Variants in VWA8 observed in about 807,000 individuals in gnomAD.
VWA8 encodes the protein von Willebrand factor A domain containing 8.
Under a neutral mutation model 241.5 loss-of-function variants are expected in VWA8, and 221 were observed. The observed-to-expected ratio is 0.91, with a 90% confidence interval of 0.82 to 1.02. The LOEUF (loss-of-function observed/expected upper bound fraction) is 1.02. VWA8 is among the 50% of genes least tolerant of loss of function. VWA8 has a pLI of 0.00. For synonymous variants in VWA8, 852 were observed against 827.1 expected, an observed-to-expected ratio of 1.03 and a Z score of -0.52; for missense variants, 2,322 against 2,328.7, an observed-to-expected ratio of 1.00 and a Z score of 0.06.
intron 31 of VWA8, among the ~76,000 whole-genome samples, chr13:41,691,660 T>C (rs773523072): frequency 1.1e-4 from 17 of 152,148 alleles, no homozygotes; most frequent in East Asian, 3.8e-4. Flanking sequence ...GTAGTAACCA[T>C]TGCCATGTTA....
At chr13:41,615,230 G>A in intron 37 of VWA8, 146 bp from the exon 38 acceptor site, 1 of 718,372 alleles carries the variant, frequency 1.4e-6, no homozygotes, top group Admixed American at 3.0e-5. Context: ...TGAGTATTTG[G>A]CAAAAATTCC....
intron 17 of VWA8, among the ~76,000 whole-genome samples, chr13:41,794,975 T>A (rs2137952861): frequency 6.6e-6 from 1 of 152,152 alleles, no homozygotes; most frequent in African/African-American, 2.4e-5. Context: ...CTAAAGAGCT[T>A]CTGCACAGCA....
chr13:41,929,486 A>G (rs1468953281), intron 2 of VWA8, among the ~76,000 whole-genome samples: 1 of 152,132 alleles, frequency 6.6e-6, no homozygotes, highest in East Asian at 1.9e-4. Flanking sequence ...TCAAAATATC[A>G]CACTTACCCC....
intron 37 of VWA8, among the ~76,000 whole-genome samples, chr13:41,668,279 T>C (rs2044999859): frequency 6.6e-6 from 1 of 152,106 alleles, no homozygotes; most frequent in Admixed American, 6.5e-5. Flanking sequence ...GACAAGAGTG[T>C]ATAAGCCTTT....
rs186115234 is a variant in VWA8, at chr13:41,716,712, G to C, written c.3116+2879C>G. 5.7e-4 allele frequency among the ~76,000 whole-genome samples: 86 copies of C among 152,150 alleles called. 1 individual carries two copies. The highest frequency in any genetic ancestry group is 1.8e-3 in the African/African-American group (76 of 41,552). On this transcript the variant is annotated intron_variant, in intron 26 of 44. Coordinates refer to ENST00000379310, the MANE Select transcript of VWA8 (RefSeq NM_015058.2). The stretch of plus-strand genomic sequence containing the variant: ...ATCAATAAGCACTGCGGTTGGATTA[G>C]AGAACATGAAAATTAAGTTGTAGCA...
intron 10 of VWA8, among the ~76,000 whole-genome samples, chr13:41,866,516 C>A (rs758049267): frequency 1.1e-4 from 16 of 151,936 alleles, no homozygotes; most frequent in Non-Finnish European, 2.2e-4. Flanking sequence ...CAATTTAATT[C>A]TTTACTGTTT....
chr13:41,872,990 T>C (rs1328696913), intron 9 of VWA8, among the ~76,000 whole-genome samples: 2 of 152,168 alleles, frequency 1.3e-5, no homozygotes, highest in African/African-American at 4.8e-5. Flanking sequence ...CATTGAGCAG[T>C]GGTTTGTTGT....
At chr13:41,768,416 A>G (rs915039916) in intron 20 of VWA8, among the ~76,000 whole-genome samples, 1 of 152,184 alleles carries the variant, frequency 6.6e-6, no homozygotes, top group Non-Finnish European at 1.5e-5. Context: ...CATTTACTAA[A>G]CCTCTATCAG....
At chr13:41,711,888 G>C (rs1056535689) in intron 26 of VWA8, among the ~76,000 whole-genome samples, 1 of 150,412 alleles carries the variant, frequency 6.6e-6, no homozygotes, top group African/African-American at 2.5e-5. Flanking sequence ...AAAAAAAAAA[G>C]AAATTTTAAA....
intron 9 of VWA8, among the ~76,000 whole-genome samples, chr13:41,869,998 T>G (rs543631327): frequency 1.3e-5 from 2 of 152,096 alleles, no homozygotes; most frequent in South Asian, 2.1e-4. Context: ...GAAAATAGAT[T>G]TGGGAGGAAG....
Position 41,611,636 on chromosome 13 carries a change from G to A in VWA8, c.4817C>T (p.Ala1606Val). 1 of 1,614,102 alleles carries A rather than the reference G, an allele frequency of 6.2e-7. No homozygotes were observed. The highest frequency in any genetic ancestry group is 1.3e-5 in the African/African-American group (1 of 75,034). Residue 1606 changes from alanine to valine, a missense_variant, in exon 39 of 45, where the codon GCA becomes GTA. By Grantham distance (64) the Ala-to-Val change is moderately conservative. Transcript: ENST00000379310. ...VYQVSQAEKD[A>V]VPEEVKRAAR... ...AGCTCTCTTGACCTCTTCGGGAACTGCATCTTTCTCAGCCTGAGAGACCTG... is the reference window on the plus strand; with the variant it reads ...AGCTCTCTTGACCTCTTCGGGAACTACATCTTTCTCAGCCTGAGAGACCTG...
chr13:41,716,743 T>C (rs188129240), intron 26 of VWA8, among the ~76,000 whole-genome samples: 133 of 152,208 alleles, frequency 8.7e-4, no homozygotes, highest in African/African-American at 3.1e-3. Context: ...TAGCAAGAAC[T>C]GTTCATTCAG....
At chr13:41,573,138 A>G (rs2044321349) in intron 43 of VWA8, among the ~76,000 whole-genome samples, 2 of 147,948 alleles carry the variant, frequency 1.4e-5, no homozygotes, top group South Asian at 2.2e-4. Flanking sequence ...GAAACAAGCC[A>G]GGCACGGTGG....
At chr13:41,587,460 T>C (rs964311093) in intron 42 of VWA8, 52 bp downstream of exon 42, 25 of 1,605,596 alleles carry the variant, frequency 1.6e-5, no homozygotes, top group Admixed American at 1.7e-5. Flanking sequence ...AATCCACCTA[T>C]CCATCATCAT....
chr13:41,660,532 C>T (rs1310380375), intron 37 of VWA8, among the ~76,000 whole-genome samples: 2 of 152,150 alleles, frequency 1.3e-5, no homozygotes, highest in Non-Finnish European at 2.9e-5. Flanking sequence ...TCTTTCAATG[C>T]CTCATTTCTT....
chr13:41,811,281 C>G lies in VWA8; in HGVS notation c.2007G>C (p.Leu669=), dbSNP rs761275931. The part of the protein sequence containing the change: ...TRQLLRISRR[L]SQYPNENLHS... ...GAAGATTTTCATTAGGATACTGTGA[C>G]AGCCGACGAGAAATTCGCAACAGTT... The change falls in exon 17 of 45, where the codon CTG becomes CTC. Residue 669 remains leucine (L), a synonymous_variant. Transcript: ENST00000379310. 9 of 1,611,340 alleles carry G rather than the reference C, an allele frequency of 5.6e-6. No individual in the cohort carries two copies. Among genetic ancestry groups the G allele is most frequent in the Non-Finnish European group, 7.6e-6 (9 of 1,177,896 alleles).
rs2045727457 is a variant in VWA8 at position 41,759,911 on chromosome 13, A to G, written c.2426+1217T>C. Among the ~76,000 whole-genome samples, 3 of 151,612 alleles carry G rather than the reference A, an allele frequency of 2.0e-5. No individual in the cohort carries two copies. In the South Asian group the frequency reaches 6.2e-4, roughly 32 times the overall value. ...CAAGGTATTCCTCCCTCCCTCCCCA[A>G]ATACCCATTATTTTTATTTTTAAAG... On this transcript the variant is annotated intron_variant, in intron 21 of 44. Transcript: ENST00000379310.
At chr13:41,839,106 CCCA>C (rs2138012727) in intron 12 of VWA8, among the ~76,000 whole-genome samples, 1 of 152,260 alleles carries the variant, frequency 6.6e-6, no homozygotes, top group East Asian at 1.9e-4. Context: ...AATTTACACT[CCCA>C]CCAACAGTGT....
Position 41,568,301 on chromosome 13 carries a change from G to C in VWA8, c.5614C>G (p.Gln1872Glu). 6.2e-7 allele frequency: 1 copy of C among 1,613,960 alleles called. No individual in the cohort carries two copies. The highest frequency in any genetic ancestry group is 8.5e-7 in the Non-Finnish European group (1 of 1,179,870). The change falls in exon 45 of 45, where the codon CAG becomes GAG. Residue 1872 changes from glutamine (Q) to glutamate (E), a missense_variant. By Grantham distance (29) the Gln-to-Glu change is conservative (BLOSUM62 2). Transcript: ENST00000379310. ...GSLGDQATRL[Q>E]RTLPAGRSFV... ...GACCGACCAGCTGGTAAAGTTCTCT[G>C]AAGCCTGCCAGGATGGAAAGGGAAA...
Sources: allele counts gnomAD v4.1 joint callset (sites outside exome capture counted in the v4.1 genomes callset), GRCh38; gene constraint gnomAD v4.1.1; transcripts MANE v1.5; gene names NCBI Gene and HGNC (gene_info 2026-07-23, HGNC 2026-07-21).